The following MED30 variants were observed in gnomAD, a reference collection of about 807,000 sequenced individuals.
The protein encoded by MED30 is mediator complex subunit 30.
Under a neutral mutation model 21.7 loss-of-function variants are expected in MED30, and 8 were observed. The ratio of observed to expected loss-of-function variants is 0.37; its 90% CI spans 0.22 to 0.67. MED30 has a LOEUF of 0.67. Among genes scored for constraint, MED30 ranks in the 30% least tolerant of loss-of-function variants. The pLI is 0.58. For synonymous variants in MED30, 79 were observed against 86.7 expected, an observed-to-expected ratio of 0.91 and a Z score of 0.49; for missense variants, 203 against 228.2, an observed-to-expected ratio of 0.89 and a Z score of 0.71.
At chr8:117,523,374 C>T in intron 1 of MED30, 3 of 1,543,464 alleles carry the variant, frequency 1.9e-6, no homozygotes, top group East Asian at 2.2e-5. Flanking sequence ...GCACAGCACT[C>T]CGTCTGTAGG....
At chr8:117,523,497 C>T in intron 1 of MED30, 2 of 1,592,062 alleles carry the variant, frequency 1.3e-6, no homozygotes, top group South Asian at 1.1e-5. Context: ...CAGGAACAAT[C>T]TCCGGGGGCA....
At chr8:117,529,819 A>G (rs1818769712) in intron 2 of MED30, among the ~76,000 whole-genome samples, 1 of 151,888 alleles carries the variant, frequency 6.6e-6, no homozygotes, top group African/African-American at 2.4e-5. Context: ...TAAATAATGA[A>G]GACAGGAGGG....
chr8:117,537,768 T>G (rs1292094085), intron 3 of MED30, among the ~76,000 whole-genome samples: 4 of 152,148 alleles, frequency 2.6e-5, no homozygotes, highest in Non-Finnish European at 5.9e-5. Context: ...AGCCCTGAGT[T>G]GATACTGATT....
Position 117,530,773 on chromosome 8 carries a change from TG to T in MED30, c.389del (p.Gly130AlafsTer16). 6.2e-7 allele frequency: 1 copy of T among 1,612,648 alleles called. No homozygotes were observed. The highest frequency in any genetic ancestry group is 8.5e-7 in the Non-Finnish European group (1 of 1,179,040). The part of the protein sequence containing the change: ...EDGSKNDDRA[G>X]PPRFASEERR... ...ATGGCTCAAAGAATGATGATCGGGC[TG>T]GCCCACCTCGTTTTGCTAGTGAAGA... is the stretch of plus-strand genomic sequence containing the variant. On this transcript the variant is annotated frameshift_variant, in exon 3 of 4. Coordinates refer to ENST00000297347, the MANE Select transcript of MED30 (RefSeq NM_080651.4). LOFTEE classifies it high-confidence loss of function.
chr8:117,529,901 TGAAA>T (rs1818770646), intron 2 of MED30, among the ~76,000 whole-genome samples: 1 of 151,838 alleles, frequency 6.6e-6, no homozygotes, highest in South Asian at 2.1e-4. Context: ...TTGAGACAGA[TGAAA>T]GAAAGAAAAG....
intron 3 of MED30, among the ~76,000 whole-genome samples, chr8:117,534,751 A>G (rs747392949): frequency 2.4e-4 from 36 of 152,162 alleles, no homozygotes; most frequent in Non-Finnish European, 4.1e-4. Flanking sequence ...TGGTGGGCAC[A>G]GGGAAAAGAT....
chr8:117,535,343 C>T (rs562015890), intron 3 of MED30, among the ~76,000 whole-genome samples: 1 of 151,202 alleles, frequency 6.6e-6, no homozygotes, highest in South Asian at 2.1e-4. Context: ...ATTCTCCTGC[C>T]TCAGTCTCCT....
At chr8:117,524,424 G>A (rs1039741324) in intron 1 of MED30, among the ~76,000 whole-genome samples, 11 of 152,170 alleles carry the variant, frequency 7.2e-5, no homozygotes, top group African/African-American at 1.7e-4. Flanking sequence ...CTAGATGTCC[G>A]TTAGCCACTT....
intron 1 of MED30, among the ~76,000 whole-genome samples, chr8:117,521,866 T>A (rs1818628081): frequency 1.3e-5 from 2 of 152,394 alleles, no homozygotes; most frequent in South Asian, 4.1e-4. Context: ...TAAATAATGC[T>A]GCTATGAACT....
Position 117,530,810 on chromosome 8 carries a change from A to C in MED30, c.424A>C (p.Ile142Leu), listed in dbSNP as rs770113741. ...PRFASEERRE[I>L]AEVNKKLKQK... ...TTTTGCTAGTGAAGAGAGGCGAGAA[A>C]TTGCTGAAGTAAATAAAGTGAGTTG... The change falls in exon 3 of 4, where the codon ATT (isoleucine) becomes CTT (leucine). Residue 142 changes from isoleucine (I) to leucine (L), a missense_variant. Ile to Leu is a conservative substitution (Grantham distance 5). Transcript: ENST00000297347. 1 of 1,609,304 alleles carries C rather than the reference A, an allele frequency of 6.2e-7. No individual in the cohort carries two copies. Among genetic ancestry groups the C allele is most frequent in the Non-Finnish European group, 8.5e-7 (1 of 1,177,024 alleles).
At chr8:117,522,582 T>G (rs975687481) in intron 1 of MED30, among the ~76,000 whole-genome samples, 2 of 151,906 alleles carry the variant, frequency 1.3e-5, no homozygotes, top group Non-Finnish European at 2.9e-5. Flanking sequence ...AACCAAGTTT[T>G]CAAAAATCTT....
At chr8:117,522,716 C>T (rs1426937986) in intron 1 of MED30, among the ~76,000 whole-genome samples, 2 of 149,052 alleles carry the variant, frequency 1.3e-5, no homozygotes, top group African/African-American at 4.9e-5. Context: ...ATTTTTAAGA[C>T]CATGTGAAAT....
At chr8:117,535,432 T>A (rs1818859580) in intron 3 of MED30, among the ~76,000 whole-genome samples, 1 of 151,998 alleles carries the variant, frequency 6.6e-6, no homozygotes, top group Non-Finnish European at 1.5e-5. Flanking sequence ...GGTTTCACCA[T>A]GTTGGTCAGG....
chr8:117,536,384 A>G (rs1818877987), intron 3 of MED30, among the ~76,000 whole-genome samples: 1 of 152,224 alleles, frequency 6.6e-6, no homozygotes, highest in South Asian at 2.1e-4. Context: ...CATTCAATTA[A>G]AAAGTCAGAA....
chr8:117,538,054 GAA>G (rs1818911525), intron 3 of MED30, among the ~76,000 whole-genome samples: 1 of 152,148 alleles, frequency 6.6e-6, no homozygotes, highest in Admixed American at 6.5e-5. Flanking sequence ...TCTCTGTGAT[GAA>G]AAAGACTTTA....
At chr8:117,523,446 C>T (rs1586859709) in intron 1 of MED30, 1 of 1,574,424 alleles carries the variant, frequency 6.4e-7, no homozygotes, top group East Asian at 2.2e-5. Context: ...GACCTTTAGG[C>T]TGAGGCCTGC....
At chr8:117,528,872 A>C (rs1397074245) in intron 2 of MED30, 63 bp downstream of exon 2, 1 of 1,278,132 alleles carries the variant, frequency 7.8e-7, no homozygotes, top group African/African-American at 1.5e-5. Context: ...GACAGTTGTT[A>C]ATCTTTTTCC....
At chr8:117,532,506 T>A (rs1387083590) in intron 3 of MED30, among the ~76,000 whole-genome samples, 1 of 152,040 alleles carries the variant, frequency 6.6e-6, no homozygotes, top group Non-Finnish European at 1.5e-5. Flanking sequence ...GAATTTAATA[T>A]GACAGAAGAG....
chr8:117,525,563 TC>T, intron 1 of MED30, among the ~76,000 whole-genome samples: 1 of 152,148 alleles, frequency 6.6e-6, no homozygotes, highest in South Asian at 2.1e-4. Context: ...AGAAAGGTCT[TC>T]CCCACTCAAA....
Sources: gnomAD v4.1 joint callset for allele counts (sites outside exome capture counted in the v4.1 genomes callset) on GRCh38, gnomAD v4.1.1 for gene constraint, MANE v1.5 for transcripts, NCBI Gene and HGNC (gene_info 2026-07-23, HGNC 2026-07-21) for gene names.